MAP7: variants seen among roughly 807,000 people sequenced by gnomAD.
MAP7 encodes the protein ensconsin.
In MAP7, 52 loss-of-function variants were observed where a neutral mutation model predicts 94.8. That is an observed-to-expected ratio of 0.55 (90% confidence interval 0.44 to 0.69). MAP7 has a LOEUF of 0.69. MAP7 is among the 30% of genes least tolerant of loss of function. The probability of loss-of-function intolerance (pLI) is 0.00; values close to 1 mark genes in which losing one functional copy is unlikely to be tolerated. For synonymous variants in MAP7, 350 were observed against 357.0 expected (o/e 0.98, Z 0.22); for missense variants, 940 against 964.6 (o/e 0.97, Z 0.34).
chr6:136,397,124 A>C (rs1298893895), intron 3 of MAP7, among the ~76,000 whole-genome samples: 1 of 152,230 alleles, frequency 6.6e-6, no homozygotes, highest in Non-Finnish European at 1.5e-5. Flanking sequence ...CAAATTAAAC[A>C]ACACTTGCCA....
chr6:136,394,338 C>A (rs1363409894), intron 3 of MAP7, among the ~76,000 whole-genome samples: 3 of 152,038 alleles, frequency 2.0e-5, no homozygotes, highest in Non-Finnish European at 2.9e-5. Flanking sequence ...TTTTATTGAG[C>A]CTCTTTTTAA....
At chr6:136,391,289 A>T (rs558940657) in intron 3 of MAP7, among the ~76,000 whole-genome samples, 4 of 149,122 alleles carry the variant, frequency 2.7e-5, no homozygotes, top group African/African-American at 9.9e-5. Flanking sequence ...TTCTCAGTAA[A>T]CTATCGCAAG....
chr6:136,526,611 T>G, intron 1 of MAP7: 1 of 985,516 alleles, frequency 1.0e-6, no homozygotes, highest in Non-Finnish European at 1.2e-6. Context: ...GGTTACAGCG[T>G]GAGGCCGCTG....
intron 1 of MAP7, among the ~76,000 whole-genome samples, chr6:136,549,236 T>C (rs1265434821): frequency 2.0e-5 from 3 of 152,158 alleles, no homozygotes. Flanking sequence ...AGGAAACAAA[T>C]GCTTCCGATT....
At chr6:136,428,974 A>G (rs929264033) in intron 1 of MAP7, among the ~76,000 whole-genome samples, 16 of 152,214 alleles carry the variant, frequency 1.1e-4, no homozygotes, top group Admixed American at 1.0e-3. Flanking sequence ...AAAAAATAAG[A>G]AAATGTATTC....
At chr6:136,497,522 A>G (rs1015320517) in intron 1 of MAP7, among the ~76,000 whole-genome samples, 15 of 146,686 alleles carry the variant, frequency 1.0e-4, no homozygotes, top group African/African-American at 3.5e-4. Context: ...ATGTCATCTT[A>G]CTTAAAAAAA....
chr6:136,378,951 C>T (rs1339004433), intron 6 of MAP7, among the ~76,000 whole-genome samples: 3 of 152,092 alleles, frequency 2.0e-5, no homozygotes, highest in Non-Finnish European at 4.4e-5. Flanking sequence ...TGATTTTGAA[C>T]TCCTGGGCTC....
intron 1 of MAP7, among the ~76,000 whole-genome samples, chr6:136,494,722 T>C (rs891390510): frequency 3.3e-5 from 5 of 152,166 alleles, no homozygotes; most frequent in Non-Finnish European, 7.4e-5. Context: ...TGACAGGATA[T>C]AGACAAACTA....
intron 1 of MAP7, among the ~76,000 whole-genome samples, chr6:136,426,251 C>T (rs980943325): frequency 6.6e-6 from 1 of 152,202 alleles, no homozygotes; most frequent in African/African-American, 2.4e-5. Flanking sequence ...CTCTTTGTCA[C>T]AATCAACAGA....
chr6:136,394,498 T>A (rs1182556939), intron 3 of MAP7, among the ~76,000 whole-genome samples: 2 of 152,186 alleles, frequency 1.3e-5, no homozygotes, highest in Non-Finnish European at 2.9e-5. Flanking sequence ...TTTTGATATA[T>A]GCATACAGTA....
At chr6:136,408,893 T>C (rs1372537657) in intron 3 of MAP7, among the ~76,000 whole-genome samples, 3 of 152,166 alleles carry the variant, frequency 2.0e-5, no homozygotes, top group African/African-American at 7.2e-5. Context: ...GAAATCATCC[T>C]CACGTACTCT....
chr6:136,507,209 G>T (rs1053853645), intron 1 of MAP7, among the ~76,000 whole-genome samples: 11 of 152,048 alleles, frequency 7.2e-5, no homozygotes, highest in Non-Finnish European at 1.6e-4. Context: ...GAGCTGAAAT[G>T]TACTTAAGCG....
At chr6:136,495,016 G>A (rs181557784) in intron 1 of MAP7, among the ~76,000 whole-genome samples, 4 of 152,272 alleles carry the variant, frequency 2.6e-5, no homozygotes, top group African/African-American at 4.8e-5. Flanking sequence ...TTCTTATACA[G>A]CAGAACCAAC....
intron 2 of MAP7, chr6:136,420,177 T>A: frequency 1.0e-6 from 1 of 979,336 alleles, no homozygotes; most frequent in South Asian, 1.3e-5. Context: ...TTATCTGCAG[T>A]GGGCCCCCAG....
rs1464671680 is a variant in MAP7 at position 136,344,100 on chromosome 6, CT to C, written c.*127del. Reference sequence around the variant, plus strand: ...TTGTCTTTAGCTAGTTTTAATAAATCTTTTCAAAATGATGGTCAAGAACTCT... The same window carrying C: ...TTGTCTTTAGCTAGTTTTAATAAATCTTTCAAAATGATGGTCAAGAACTCT... On this transcript the variant is annotated 3_prime_UTR_variant, in exon 18 of 18. Transcript: ENST00000354570. 2.4e-6 allele frequency: 1 copy of C among 410,670 alleles called. No homozygotes were observed. The highest frequency in any genetic ancestry group is 2.1e-5 in the African/African-American group (1 of 48,556). The allele number at this position is 410,670 out of a possible 1,614,324, so 25.4% of individuals were successfully genotyped here. A position where few individuals can be genotyped will look rare whatever the true frequency, so the allele number is the denominator to read the frequency against.
Position 136,420,263 on chromosome 6 carries a change from C to G in MAP7, c.166+1438G>C, listed in dbSNP as rs1006042795. On this transcript the variant is annotated intron_variant, in intron 2 of 17. Transcript: ENST00000354570. The stretch of plus-strand genomic sequence containing the variant: ...GACAGGGCCGCGCCAGGTAAAACAT[C>G]GCAGAAGAGCCGGCCATGCTTCCAG... 7.5e-6 allele frequency: 7 copies of G among 932,008 alleles called. No individual in the cohort carries two copies. The East Asian group carries it at 1.7e-4, about 22-fold the overall frequency. 57.7% of individuals were successfully genotyped at this position (932,008 alleles called of 1,614,324 possible). A position where few individuals can be genotyped will look rare whatever the true frequency, so the allele number is the denominator to read the frequency against.
chr6:136,423,759 G>A (rs1187795406), intron 1 of MAP7, among the ~76,000 whole-genome samples: 2 of 146,524 alleles, frequency 1.4e-5, no homozygotes, highest in Non-Finnish European at 3.0e-5. Flanking sequence ...AGTAACAATG[G>A]GAAAAATAAA....
At chr6:136,504,256 A>G (rs1292034429) in intron 1 of MAP7, among the ~76,000 whole-genome samples, 2 of 152,128 alleles carry the variant, frequency 1.3e-5, no homozygotes, top group African/African-American at 2.4e-5. Context: ...ACAGGGAGAG[A>G]GATGGAAGGA....
chr6:136,438,861 TA>T (rs1290614837), intron 1 of MAP7, among the ~76,000 whole-genome samples: 2 of 152,050 alleles, frequency 1.3e-5, no homozygotes, highest in Non-Finnish European at 2.9e-5. Flanking sequence ...CCAGCTTAAT[TA>T]AAAGGTATAA....
Sources: allele counts gnomAD v4.1 joint callset (sites outside exome capture counted in the v4.1 genomes callset), GRCh38; gene constraint gnomAD v4.1.1; transcripts MANE v1.5; gene names NCBI Gene and HGNC (gene_info 2026-07-23, HGNC 2026-07-21).